The following SORCS1 variants were observed in gnomAD, a reference collection of about 807,000 sequenced individuals.
SORCS1 encodes VPS10 domain-containing receptor SorCS1.
Under a neutral mutation model 146.1 loss-of-function variants are expected in SORCS1, and 60 were observed. The ratio of observed to expected loss-of-function variants is 0.41; its 90% CI spans 0.33 to 0.51. The LOEUF is 0.51. Ranked by LOEUF, SORCS1 falls within the 20% of genes least tolerant of loss-of-function variation. The pLI, the probability that SORCS1 is intolerant of heterozygous loss-of-function variation, is 0.21. For missense variants in SORCS1, 1,352 were observed against 1,487.6 expected (o/e 0.91, Z 1.50); for synonymous variants, 637 against 584.0 (o/e 1.09, Z -1.31).
At chr10:107,081,237 C>A (rs1349762570) in intron 1 of SORCS1, among the ~76,000 whole-genome samples, 1 of 152,164 alleles carries the variant, frequency 6.6e-6, no homozygotes. Context: ...AGTAAGAAGA[C>A]ATCTGAAAAT....
chr10:107,019,916 T>C (rs1958060058), intron 1 of SORCS1, among the ~76,000 whole-genome samples: 1 of 152,156 alleles, frequency 6.6e-6, no homozygotes, highest in Non-Finnish European at 1.5e-5. Flanking sequence ...ACAGAGTGAG[T>C]GCTCTGGGGC....
At chr10:106,992,374 G>A (rs1956801850) in intron 1 of SORCS1, among the ~76,000 whole-genome samples, 1 of 152,078 alleles carries the variant, frequency 6.6e-6, no homozygotes, top group African/African-American at 2.4e-5. Flanking sequence ...TCATGACAGA[G>A]TAAAAAAATA....
chr10:106,664,170 G>A (rs1408362039), intron 17 of SORCS1, among the ~76,000 whole-genome samples: 7 of 152,300 alleles, frequency 4.6e-5, no homozygotes, highest in Middle Eastern at 3.4e-3. Context: ...TTGTAATTTC[G>A]TGACTACTAA....
At chr10:106,913,573 G>C (rs1236126407) in intron 2 of SORCS1, among the ~76,000 whole-genome samples, 1 of 152,168 alleles carries the variant, frequency 6.6e-6, no homozygotes, top group Non-Finnish European at 1.5e-5. Context: ...CAAGGGTTTC[G>C]TAGCTGGGTG....
At chr10:107,123,555 A>G (rs938376346) in intron 1 of SORCS1, among the ~76,000 whole-genome samples, 2 of 152,236 alleles carry the variant, frequency 1.3e-5, no homozygotes, top group African/African-American at 2.4e-5. Context: ...AATATAAACA[A>G]GAAACTGAGA....
At chr10:106,896,064 C>T (rs1951462522) in intron 2 of SORCS1, among the ~76,000 whole-genome samples, 1 of 151,942 alleles carries the variant, frequency 6.6e-6, no homozygotes, top group African/African-American at 2.4e-5. Context: ...GTGAAATAAG[C>T]CAGTTACACA....
At chr10:106,889,599 C>T (rs535284279) in intron 2 of SORCS1, among the ~76,000 whole-genome samples, 17 of 151,506 alleles carry the variant, frequency 1.1e-4, no homozygotes, top group Non-Finnish European at 2.5e-4. Flanking sequence ...CCCGTCTCTA[C>T]TAAACATACA....
chr10:106,871,368 C>A (rs1467969881), intron 2 of SORCS1, among the ~76,000 whole-genome samples: 2 of 152,264 alleles, frequency 1.3e-5, no homozygotes, highest in East Asian at 3.9e-4. Context: ...TACCATTCCA[C>A]CCAGCAATCC....
chr10:107,137,214 C>T (rs1329972003), intron 1 of SORCS1, among the ~76,000 whole-genome samples: 2 of 152,138 alleles, frequency 1.3e-5, no homozygotes, highest in Non-Finnish European at 2.9e-5. Context: ...ATGAAGCCAA[C>T]CTTGGGTGTT....
At chr10:106,622,644 C>G (rs1847828406) in intron 19 of SORCS1, among the ~76,000 whole-genome samples, 2 of 151,948 alleles carry the variant, frequency 1.3e-5, no homozygotes, top group African/African-American at 4.8e-5. Flanking sequence ...CAGAGCAGTT[C>G]AATGAAATAA....
At chr10:106,965,721 T>C (rs192577976) in intron 1 of SORCS1, among the ~76,000 whole-genome samples, 1 of 152,296 alleles carries the variant, frequency 6.6e-6, no homozygotes, top group Admixed American at 6.5e-5. Context: ...CTCTCTGGTA[T>C]CCTGTCTAAT....
chr10:106,788,575 G>A (rs1160429975), intron 3 of SORCS1, among the ~76,000 whole-genome samples: 7 of 152,324 alleles, frequency 4.6e-5, no homozygotes, highest in Middle Eastern at 6.8e-3. Context: ...GAAATCCAGC[G>A]GGGCAATCAT....
At chr10:106,872,366 T>C (rs890589128) in intron 2 of SORCS1, among the ~76,000 whole-genome samples, 1 of 152,178 alleles carries the variant, frequency 6.6e-6, no homozygotes, top group African/African-American at 2.4e-5. Context: ...GTGAGCATAT[T>C]TGAGGCAAAG....
chr10:106,618,391 C>A, intron 20 of SORCS1, 119 bp from the exon 21 acceptor site: 1 of 1,290,416 alleles, frequency 7.7e-7, no homozygotes, highest in South Asian at 1.4e-5. Flanking sequence ...TGATGTACCA[C>A]AATGGCACTG....
intron 18 of SORCS1, among the ~76,000 whole-genome samples, chr10:106,649,414 G>A (rs572974363): frequency 1.1e-4 from 16 of 152,122 alleles, no homozygotes; most frequent in Non-Finnish European, 2.1e-4. Context: ...GCCTGTTAGG[G>A]GGACAAGGGA....
intron 1 of SORCS1, among the ~76,000 whole-genome samples, chr10:106,970,511 T>C (rs907677146): frequency 6.6e-6 from 1 of 151,868 alleles, no homozygotes; most frequent in African/African-American, 2.4e-5. Flanking sequence ...GCTAATTTTT[T>C]AAATTTTAGT....
intron 4 of SORCS1, among the ~76,000 whole-genome samples, chr10:106,768,617 T>G (rs764573729): frequency 6.6e-6 from 1 of 152,234 alleles, no homozygotes; most frequent in Non-Finnish European, 1.5e-5. Flanking sequence ...TATCTGTCGG[T>G]CCTGTTCCAT....
intron 1 of SORCS1, among the ~76,000 whole-genome samples, chr10:107,163,443 CT>C (rs1222446286): frequency 3.3e-5 from 5 of 152,164 alleles, no homozygotes; most frequent in African/African-American, 9.7e-5. Context: ...TAAAGAACAC[CT>C]TATATACTCT....
chr10:106,606,852 TCTC>T (rs1269176800), intron 23 of SORCS1, among the ~76,000 whole-genome samples: 6 of 152,264 alleles, frequency 3.9e-5, no homozygotes, highest in African/African-American at 1.2e-4. Flanking sequence ...ACTCTACACT[TCTC>T]CTTGCTGCCA....
Sources: allele counts gnomAD v4.1 joint callset (sites outside exome capture counted in the v4.1 genomes callset), GRCh38; gene constraint gnomAD v4.1.1; transcripts MANE v1.5; gene names NCBI Gene and HGNC (gene_info 2026-07-23, HGNC 2026-07-21).